Variants in SSBP2 observed in about 807,000 individuals in gnomAD.
SSBP2 encodes the protein single-stranded DNA-binding protein 2.
A neutral mutation model predicts 61.8 loss-of-function variants in SSBP2; 17 were observed. The ratio of observed to expected loss-of-function variants is 0.28; its 90% CI spans 0.19 to 0.41. The LOEUF is 0.41. Among genes scored for constraint, SSBP2 ranks in the 10% least tolerant of loss-of-function variants. SSBP2 has a pLI of 1.00. For missense variants in SSBP2, 310 were observed against 458.7 expected (o/e 0.68, Z 2.96); for synonymous variants, 139 against 141.3 (o/e 0.98, Z 0.12).
At chr5:81,483,558 A>G (rs1003833679) in intron 6 of SSBP2, among the ~76,000 whole-genome samples, 2 of 152,190 alleles carry the variant, frequency 1.3e-5, no homozygotes, top group Non-Finnish European at 2.9e-5. Flanking sequence ...TACAGGTAAG[A>G]AAACCAAAAC....
intron 1 of SSBP2, among the ~76,000 whole-genome samples, chr5:81,710,476 T>C (rs1754697726): frequency 6.6e-6 from 1 of 152,012 alleles, no homozygotes; most frequent in African/African-American, 2.4e-5. Context: ...CCTATACAGT[T>C]ACAACATTTA....
chr5:81,651,059 C>T (rs1030138221), intron 1 of SSBP2, among the ~76,000 whole-genome samples: 20 of 152,096 alleles, frequency 1.3e-4, no homozygotes, highest in Non-Finnish European at 5.9e-5. Flanking sequence ...CTTGTGGATT[C>T]AGAATTTTGA....
In SSBP2 at chr5:81,736,491, A is replaced by T. The variant is rs966589402; in HGVS notation, c.62+14490T>A. Among the ~76,000 whole-genome samples the T allele has an allele frequency of 7.2e-5, 11 of 152,274 alleles. No individual in the cohort carries two copies. The East Asian group carries it at 2.1e-3, about 29-fold the overall frequency. On this transcript the variant is annotated intron_variant, in intron 1 of 16. Transcript: ENST00000320672. ...ATCTTTTGCTGCCTTTTCTCCTCGA[A>T]TTTAAAAGGGTGCTTTTTGGTCAAG...
At chr5:81,613,657 A>C (rs1010170712) in intron 4 of SSBP2, among the ~76,000 whole-genome samples, 11 of 152,244 alleles carry the variant, frequency 7.2e-5, no homozygotes, top group Non-Finnish European at 1.3e-4. Flanking sequence ...ATCTCCTTTA[A>C]GAGTAGAACA....
chr5:81,467,183 G>T, intron 8 of SSBP2, 118 bp from the exon 9 acceptor site: 1 of 532,556 alleles, frequency 1.9e-6, no homozygotes, highest in Non-Finnish European at 3.3e-6. Context: ...TCTCTGAGGG[G>T]TCCATTCTTG....
chr5:81,527,464 G>A (rs1770031798), intron 4 of SSBP2, among the ~76,000 whole-genome samples: 1 of 152,068 alleles, frequency 6.6e-6, no homozygotes. Context: ...AAGCATTGCA[G>A]TAGTGCAATG....
At position 81,440,564 on chromosome 5, in the gene SSBP2, A is replaced by G. The variant is rs1490710064; in HGVS notation, c.922T>C (p.Ser308Pro). 6.2e-7 allele frequency: 1 copy of G among 1,612,726 alleles called. No homozygotes were observed. Among genetic ancestry groups the G allele is most frequent in the Non-Finnish European group, 8.5e-7 (1 of 1,178,986 alleles). ...TCAAATTGAAAAGCCTTACCTAAAG[A>G]GCCATTCATGTGATGTGACTCCATT... The change falls in exon 14 of 17, where the codon TCT becomes CCT. Residue 308 changes from serine to proline, a missense_variant. By Grantham distance (74) the Ser-to-Pro change is moderately conservative (BLOSUM62 -1). Around this residue, in one of 4 missense-constraint regions of SSBP2, gnomAD observed 44 missense variants for 86.2 expected, o/e 0.51. Transcript: ENST00000320672.
chr5:81,611,619 C>T (rs1230771783), intron 4 of SSBP2, among the ~76,000 whole-genome samples: 2 of 152,036 alleles, frequency 1.3e-5, no homozygotes, highest in East Asian at 3.9e-4. Context: ...GGCAGTGTAA[C>T]ATCAGCATGA....
At chr5:81,430,585 T>C (rs1188911864) in intron 15 of SSBP2, among the ~76,000 whole-genome samples, 1 of 152,198 alleles carries the variant, frequency 6.6e-6, no homozygotes, top group Non-Finnish European at 1.5e-5. Context: ...ACTCAAAATA[T>C]TGATTTTTAA....
chr5:81,733,002 A>G (rs1756367552), intron 1 of SSBP2, among the ~76,000 whole-genome samples: 1 of 152,240 alleles, frequency 6.6e-6, no homozygotes, highest in Non-Finnish European at 1.5e-5. Context: ...CTGGAAGGAA[A>G]GAGGTCTTAG....
chr5:81,743,445 T>C (rs1757160625), intron 1 of SSBP2, among the ~76,000 whole-genome samples: 1 of 152,220 alleles, frequency 6.6e-6, no homozygotes, highest in Non-Finnish European at 1.5e-5. Context: ...TTATTATTTT[T>C]ATAGTATATA....
chr5:81,713,256 A>T (rs1189333665), intron 1 of SSBP2, among the ~76,000 whole-genome samples: 1 of 151,504 alleles, frequency 6.6e-6, no homozygotes, highest in Non-Finnish European at 1.5e-5. Context: ...CAGGAGGATT[A>T]AAAAAAAATC....
At chr5:81,566,515 A>C (rs1215246234) in intron 4 of SSBP2, among the ~76,000 whole-genome samples, 3 of 152,174 alleles carry the variant, frequency 2.0e-5, no homozygotes, top group African/African-American at 7.2e-5. Context: ...AGGCTTCCCC[A>C]GCTACGTGTA....
intron 1 of SSBP2, among the ~76,000 whole-genome samples, chr5:81,685,387 G>A (rs960044857): frequency 2.6e-5 from 4 of 152,052 alleles, no homozygotes; most frequent in African/African-American, 7.3e-5. Flanking sequence ...ATGTCTTAAT[G>A]TATTCAGCAA....
rs573085470 is a variant in SSBP2, at chr5:81,693,670, A to G, written c.63-43331T>C. Reference sequence around the variant, plus strand: ...TTAAAACAGCTTTTGTCCAAAAGACAGGCAATAACAAATGCTGGAGAGGAT... The same window carrying G: ...TTAAAACAGCTTTTGTCCAAAAGACGGGCAATAACAAATGCTGGAGAGGAT... On this transcript the variant is annotated intron_variant, in intron 1 of 16. Coordinates refer to ENST00000320672, the MANE Select transcript of SSBP2 (RefSeq NM_012446.5). Among the ~76,000 whole-genome samples, 4 of 152,350 alleles carry G rather than the reference A, an allele frequency of 2.6e-5. No homozygotes were observed. The East Asian group carries it at 7.7e-4, about 29-fold the overall frequency.
rs1211337618 is a variant in SSBP2 at position 81,508,399 on chromosome 5, T to C, written c.372+5229A>G. On this transcript the variant is annotated intron_variant, in intron 5 of 16. Coordinates refer to ENST00000320672, the MANE Select transcript of SSBP2 (RefSeq NM_012446.5). ...ACTCCAAGTAAATAACTACATGTCA[T>C]ACTTTAAATGGCTTTATTTTATTAA... Among the ~76,000 whole-genome samples the C allele has an allele frequency of 2.0e-5, 3 of 152,176 alleles. No individual in the cohort carries two copies. The East Asian group carries it at 5.8e-4, about 29-fold the overall frequency.
chr5:81,524,499 T>C (rs1433946742), intron 4 of SSBP2, among the ~76,000 whole-genome samples: 1 of 152,034 alleles, frequency 6.6e-6, no homozygotes, highest in Non-Finnish European at 1.5e-5. Flanking sequence ...AAAACTAATA[T>C]TCTCCCACTC....
At chr5:81,651,248 A>G (rs1376940071) in intron 1 of SSBP2, among the ~76,000 whole-genome samples, 1 of 152,174 alleles carries the variant, frequency 6.6e-6, no homozygotes, top group African/African-American at 2.4e-5. Context: ...AGTAAACAAT[A>G]CAATGTAACA....
chr5:81,520,043 G>C (rs1452161722), intron 4 of SSBP2, among the ~76,000 whole-genome samples: 1 of 150,232 alleles, frequency 6.7e-6, no homozygotes, highest in Non-Finnish European at 1.5e-5. Context: ...GGAGTGCAGT[G>C]GTGCTGTCTT....
Sources: allele counts gnomAD v4.1 joint callset (sites outside exome capture counted in the v4.1 genomes callset), GRCh38; gene constraint gnomAD v4.1.1; regional missense constraint gnomAD v4.1.1; transcripts MANE v1.5; gene names NCBI Gene and HGNC (gene_info 2026-07-23, HGNC 2026-07-21).